DYSF: variants seen among roughly 807,000 people sequenced by gnomAD.
DYSF encodes the protein dysferlin.
A neutral mutation model predicts 274.9 loss-of-function variants in DYSF; 212 were observed. The ratio of observed to expected loss-of-function variants is 0.77; its 90% CI spans 0.69 to 0.86. The LOEUF (loss-of-function observed/expected upper bound fraction) is 0.86. Ranked by LOEUF, DYSF falls within the 40% of genes least tolerant of loss-of-function variation. The pLI, the probability that DYSF is intolerant of heterozygous loss-of-function variation, is 0.00. For missense variants in DYSF, 2,666 were observed against 2,783.2 expected (o/e 0.96, Z 0.95); for synonymous variants, 1,091 against 1,078.7 (o/e 1.01, Z -0.22).
At position 71,526,322 on chromosome 2, in the gene DYSF, T is replaced by C. The variant is rs769238105; in HGVS notation, c.1252T>C (p.Phe418Leu). ...AGGAGCCCACTTCTGCCTGAAGGTC[T>C]TCCGGGCCGAGGACTTGCCGCAGAG... The part of the protein sequence containing the change: ...LRGAHFCLKV[F>L]RAEDLPQMDD... Residue 418 changes from phenylalanine to leucine, a missense_variant, in exon 13 of 56, where the codon TTC becomes CTC. Physicochemically the swap from Phe to Leu is conservative, Grantham distance 22. Around this residue, in one of 3 missense-constraint regions of DYSF, gnomAD observed 794 missense variants for 777.1 expected, o/e 1.02. Transcript: ENST00000410020. 18 of 1,613,468 alleles carry C rather than the reference T, an allele frequency of 1.1e-5. No homozygotes were observed. Among genetic ancestry groups the C allele is most frequent in the Non-Finnish European group, 1.5e-5 (18 of 1,179,726 alleles).
intron 1 of DYSF, 41 bp from the exon 2 acceptor site, chr2:71,480,842 C>G: frequency 6.3e-7 from 1 of 1,582,744 alleles, no homozygotes; most frequent in East Asian, 2.2e-5. Flanking sequence ...AGGTGAAAGG[C>G]GGGATGTGTC....
intron 14 of DYSF, among the ~76,000 whole-genome samples, chr2:71,528,851 G>T (rs551225550): frequency 6.6e-6 from 1 of 152,330 alleles, no homozygotes; most frequent in Non-Finnish European, 1.5e-5. Flanking sequence ...CTTCCTTGCA[G>T]CCCACCTTCC....
At chr2:71,570,455 G>A (rs1416657576) in intron 28 of DYSF, 121 bp downstream of exon 28, 4 of 1,412,504 alleles carry the variant, frequency 2.8e-6, no homozygotes, top group Non-Finnish European at 3.9e-6. Context: ...GCTTCTTGAA[G>A]GCACCCCCCA....
At chr2:71,520,743 G>C in intron 11 of DYSF, 46 bp from the exon 12 acceptor site, 1 of 1,572,990 alleles carries the variant, frequency 6.4e-7, no homozygotes, top group Non-Finnish European at 8.7e-7. Flanking sequence ...GCCACAGCCT[G>C]GGGTCTTCTG....
At chr2:71,657,527 G>A (rs2094796334) in intron 43 of DYSF, among the ~76,000 whole-genome samples, 1 of 152,210 alleles carries the variant, frequency 6.6e-6, no homozygotes, top group African/African-American at 2.4e-5. Flanking sequence ...CATTGCCCTA[G>A]CAGAGGTTCT....
intron 51 of DYSF, among the ~76,000 whole-genome samples, chr2:71,672,997 G>GT (rs1162128257): frequency 6.6e-6 from 1 of 152,192 alleles, no homozygotes; most frequent in Non-Finnish European, 1.5e-5. Flanking sequence ...TGGGATTTCC[G>GT]TGGCCAACCT....
At chr2:71,571,233 A>ACC (rs1282262903) in intron 29 of DYSF, among the ~76,000 whole-genome samples, 7 of 150,648 alleles carry the variant, frequency 4.6e-5, no homozygotes, top group African/African-American at 1.7e-4. Flanking sequence ...CACTCAGCAC[A>ACC]CACAGATCAC....
intron 21 of DYSF, among the ~76,000 whole-genome samples, chr2:71,554,934 T>C (rs1243446024): frequency 6.6e-6 from 1 of 151,926 alleles, no homozygotes; most frequent in East Asian, 1.9e-4. Flanking sequence ...TTCTGTGGCA[T>C]GGATGGGGAC....
chr2:71,469,609 G>A (rs893274543), intron 1 of DYSF, among the ~76,000 whole-genome samples: 1 of 152,126 alleles, frequency 6.6e-6, no homozygotes, highest in Admixed American at 6.5e-5. Flanking sequence ...TCCCTGTCTC[G>A]GATGTAATTT....
chr2:71,625,802 T>A (rs1466110233), intron 41 of DYSF, among the ~76,000 whole-genome samples: 1 of 152,118 alleles, frequency 6.6e-6, no homozygotes, highest in Admixed American at 6.6e-5. Flanking sequence ...TTCCATTTAT[T>A]TAGGCCTTCT....
At chr2:71,544,419 A>G (rs1299740125) in intron 17 of DYSF, among the ~76,000 whole-genome samples, 1 of 151,796 alleles carries the variant, frequency 6.6e-6, no homozygotes, top group Non-Finnish European at 1.5e-5. Context: ...TTCTTCTCCT[A>G]GAAGAGGAGA....
In DYSF at chr2:71,633,752, C is replaced by T. The variant is rs72902702; in HGVS notation, c.4528-10213C>T. 7.8e-3 allele frequency among the ~76,000 whole-genome samples: 1,189 copies of T among 152,178 alleles called. 16 individuals are homozygous for T. Among genetic ancestry groups the T allele is most frequent in the African/African-American group, 0.024 (1,011 of 41,496 alleles). ...TTCTGCATAGTGACCCAAGGTTTAA[C>T]GTTATAACCTCGGTGACAAATGGAT... On this transcript the variant is annotated intron_variant, in intron 41 of 55. Transcript: ENST00000410020.
intron 3 of DYSF, among the ~76,000 whole-genome samples, chr2:71,489,138 G>C (rs997231962): frequency 6.6e-6 from 1 of 152,058 alleles, no homozygotes; most frequent in African/African-American, 2.4e-5. Flanking sequence ...TCAAATCAAG[G>C]GACCTGCCAC....
intron 39 of DYSF, 51 bp from the exon 40 acceptor site, chr2:71,613,283 G>A (rs535927923): frequency 5.1e-6 from 8 of 1,553,668 alleles, no homozygotes; most frequent in African/African-American, 1.4e-5. Flanking sequence ...GGTGAGGGGC[G>A]AGCCTTTTGA....
chr2:71,481,155 T>A (rs1292785615), intron 2 of DYSF, among the ~76,000 whole-genome samples: 2 of 152,156 alleles, frequency 1.3e-5, no homozygotes, highest in Admixed American at 6.5e-5. Context: ...GAGCTAGATA[T>A]TTTTTGTTTC....
At chr2:71,590,446 ACT>A (rs2093228787) in intron 32 of DYSF, among the ~76,000 whole-genome samples, 158 bp downstream of exon 32, 1 of 151,320 alleles carries the variant, frequency 6.6e-6, no homozygotes, top group East Asian at 2.0e-4. Flanking sequence ...GGTGCAGCAA[ACT>A]CTTGTCCATG....
intron 10 of DYSF, among the ~76,000 whole-genome samples, chr2:71,518,231 C>T (rs1219308343): frequency 1.3e-5 from 2 of 151,748 alleles, no homozygotes; most frequent in African/African-American, 2.4e-5. Context: ...CTAGTAATTG[C>T]ACAGACTAAA....
At chr2:71,551,235 C>T in intron 18 of DYSF, 79 bp downstream of exon 18, 1 of 1,452,578 alleles carries the variant, frequency 6.9e-7, no homozygotes, top group Middle Eastern at 1.7e-4. Flanking sequence ...CATGCAGGGT[C>T]TTCCAGCCCC....
At chr2:71,554,913 G>T (rs745552962) in intron 21 of DYSF, among the ~76,000 whole-genome samples, 6 of 152,176 alleles carry the variant, frequency 3.9e-5, no homozygotes, top group Non-Finnish European at 8.8e-5. Flanking sequence ...CCTGGCAGTG[G>T]CTGTAGGGGT....
Sources: allele counts gnomAD v4.1 joint callset (sites outside exome capture counted in the v4.1 genomes callset), GRCh38; gene constraint gnomAD v4.1.1; regional missense constraint gnomAD v4.1.1; transcripts MANE v1.5; gene names NCBI Gene and HGNC (gene_info 2026-07-23, HGNC 2026-07-21).